Variants in DISC1 observed in about 807,000 individuals in gnomAD.
The protein encoded by DISC1 is disrupted in schizophrenia 1 protein.
In DISC1, 57 loss-of-function variants were observed where a neutral mutation model predicts 84.5. That is an observed-to-expected ratio of 0.67 (90% CI 0.55 to 0.84). The LOEUF is 0.84. DISC1 is among the 40% of genes least tolerant of loss of function. DISC1 has a pLI of 0.00. For missense variants in DISC1, 1,000 were observed against 1,057.8 expected, an observed-to-expected ratio of 0.95 and a Z score of 0.76; for synonymous variants, 411 against 415.2, an observed-to-expected ratio of 0.99 and a Z score of 0.12.
chr1:231,796,769 G>A (rs979357205), intron 7 of DISC1, among the ~76,000 whole-genome samples: 5 of 152,142 alleles, frequency 3.3e-5, no homozygotes, highest in Admixed American at 6.5e-5. Flanking sequence ...AGGCTGGAGT[G>A]TAATGGCATG....
intron 1 of DISC1, among the ~76,000 whole-genome samples, chr1:231,659,869 G>T (rs555265577): frequency 2.0e-5 from 3 of 152,262 alleles, no homozygotes; most frequent in African/African-American, 7.2e-5. Context: ...TTTTGCATTT[G>T]CTGAGGAGTG....
intron 9 of DISC1, among the ~76,000 whole-genome samples, chr1:231,907,411 G>A (rs985239634): frequency 6.6e-6 from 1 of 151,080 alleles, no homozygotes; most frequent in Non-Finnish European, 1.5e-5. Context: ...GTGAGAACAT[G>A]CAGTGTTTGG....
intron 9 of DISC1, among the ~76,000 whole-genome samples, chr1:231,923,302 A>G (rs1282290544): frequency 2.0e-5 from 3 of 150,090 alleles, no homozygotes; most frequent in Non-Finnish European, 1.5e-5. Flanking sequence ...CAAAACAAAA[A>G]AAACCAAAAA....
chr1:231,631,736 A>G (rs926636146), intron 1 of DISC1, among the ~76,000 whole-genome samples: 7 of 151,922 alleles, frequency 4.6e-5, no homozygotes, highest in African/African-American at 1.7e-4. Flanking sequence ...AAAAAAGTCA[A>G]AAAATTAAAA....
At chr1:231,742,094 C>T (rs996967528) in intron 3 of DISC1, among the ~76,000 whole-genome samples, 4 of 152,204 alleles carry the variant, frequency 2.6e-5, no homozygotes, top group Admixed American at 2.6e-4. Flanking sequence ...CTATGTGGCT[C>T]TGAAGATCAA....
At position 231,869,448 on chromosome 1, in the gene DISC1, A is replaced by G. The variant is rs372132553; in HGVS notation, c.1981+50931A>G. 2.6e-5 allele frequency among the ~76,000 whole-genome samples: 4 copies of G among 152,268 alleles called. No homozygotes were observed. The South Asian group carries it at 6.2e-4, about 24-fold the overall frequency. On this transcript the variant is annotated intron_variant, in intron 9 of 12. Coordinates refer to ENST00000439617, the MANE Select transcript of DISC1 (RefSeq NM_018662.3). ...GCGTCTTAGTCCATTTTGTGTTGCT[A>G]TAATGGAATAATTGTGGCTGGGGAA... is the stretch of plus-strand genomic sequence containing the variant.
At chr1:231,942,038 C>T (rs950906578) in intron 9 of DISC1, among the ~76,000 whole-genome samples, 2 of 151,892 alleles carry the variant, frequency 1.3e-5, no homozygotes, top group Admixed American at 6.6e-5. Flanking sequence ...GAAAACCAGA[C>T]GTGTGATCTG....
intron 10 of DISC1, among the ~76,000 whole-genome samples, chr1:231,961,398 AT>A (rs1660359427): frequency 6.6e-6 from 1 of 152,070 alleles, no homozygotes; most frequent in African/African-American, 2.4e-5. Context: ...TTCAACTTTT[AT>A]TTTAGATTCA....
chr1:231,867,995 A>G (rs2085181893), intron 9 of DISC1, among the ~76,000 whole-genome samples: 1 of 152,230 alleles, frequency 6.6e-6, no homozygotes, highest in Admixed American at 6.5e-5. Flanking sequence ...TTGTATTGCA[A>G]TAAGTGTGCT....
intron 9 of DISC1, among the ~76,000 whole-genome samples, chr1:231,861,740 T>G (rs1175155469): frequency 6.6e-6 from 1 of 152,164 alleles, no homozygotes; most frequent in African/African-American, 2.4e-5. Flanking sequence ...GTTTTCCATT[T>G]TCATCTCTTA....
At chr1:231,797,955 G>A (rs1432555695) in intron 7 of DISC1, among the ~76,000 whole-genome samples, 2 of 151,832 alleles carry the variant, frequency 1.3e-5, no homozygotes, top group African/African-American at 2.4e-5. Context: ...TGTGTGTTGT[G>A]GGCAGGGGCC....
chr1:231,827,154 A>G (rs967425880), intron 9 of DISC1, among the ~76,000 whole-genome samples: 1 of 151,932 alleles, frequency 6.6e-6, no homozygotes, highest in Non-Finnish European at 1.5e-5. Flanking sequence ...TGCCTGGCTA[A>G]TTTTTGTATT....
At chr1:231,710,332 C>G (rs934431250) in intron 3 of DISC1, among the ~76,000 whole-genome samples, 1 of 152,052 alleles carries the variant, frequency 6.6e-6, no homozygotes, top group African/African-American at 2.4e-5. Context: ...GGGTACAGAG[C>G]AAGACCCTGT....
At chr1:231,740,184 C>G (rs149181404) in intron 3 of DISC1, among the ~76,000 whole-genome samples, 1 of 152,210 alleles carries the variant, frequency 6.6e-6, no homozygotes, top group African/African-American at 2.4e-5. Context: ...TTTAATCTAC[C>G]CAGTCTATGG....
chr1:231,632,248 CT>C (rs1386744512), intron 1 of DISC1, among the ~76,000 whole-genome samples: 1 of 152,178 alleles, frequency 6.6e-6, no homozygotes, highest in Non-Finnish European at 1.5e-5. Context: ...GAAAGTGTCC[CT>C]GTCAATAAGT....
At chr1:231,725,473 A>C (rs2070515651) in intron 3 of DISC1, among the ~76,000 whole-genome samples, 1 of 152,158 alleles carries the variant, frequency 6.6e-6, no homozygotes, top group African/African-American at 2.4e-5. Context: ...CTTTCCTAGG[A>C]AGTTCTAAAT....
At chr1:231,745,712 C>T (rs1040441201) in intron 3 of DISC1, among the ~76,000 whole-genome samples, 3 of 152,188 alleles carry the variant, frequency 2.0e-5, no homozygotes, top group Non-Finnish European at 2.9e-5. Flanking sequence ...CCCTACCCTT[C>T]TCAGCCTCTA....
At chr1:231,670,114 A>G (rs1179397462) in intron 1 of DISC1, among the ~76,000 whole-genome samples, 2 of 152,166 alleles carry the variant, frequency 1.3e-5, no homozygotes, top group Non-Finnish European at 2.9e-5. Flanking sequence ...CAGAAACAGA[A>G]AACCAAACAC....
At chr1:231,856,505 T>C (rs958545056) in intron 9 of DISC1, among the ~76,000 whole-genome samples, 6 of 152,226 alleles carry the variant, frequency 3.9e-5, no homozygotes, top group Admixed American at 2.6e-4. Flanking sequence ...TGCAGCCCCG[T>C]TAGTTCCCAT....
Sources: gnomAD v4.1 joint callset for allele counts (sites outside exome capture counted in the v4.1 genomes callset) on GRCh38, gnomAD v4.1.1 for gene constraint, MANE v1.5 for transcripts, NCBI Gene and HGNC (gene_info 2026-07-23, HGNC 2026-07-21) for gene names.